The following CDH13 variants were observed in gnomAD, a reference collection of about 807,000 sequenced individuals.
The protein encoded by CDH13 is cadherin-13.
Under a neutral mutation model 63.8 loss-of-function variants are expected in CDH13, and 24 were observed. That is an observed-to-expected ratio of 0.38 (90% CI 0.27 to 0.53). The LOEUF (loss-of-function observed/expected upper bound fraction) is 0.53. CDH13 is among the 20% of genes least tolerant of loss of function. The pLI is 0.85. For synonymous variants in CDH13, 503 were observed against 355.3 expected (o/e 1.42, Z -4.67); for missense variants, 1,049 against 903.1 (o/e 1.16, Z -2.07).
intron 5 of CDH13, among the ~76,000 whole-genome samples, chr16:83,233,891 T>A (rs1184839592): frequency 1.3e-5 from 2 of 152,156 alleles, no homozygotes; most frequent in African/African-American, 4.8e-5. Context: ...ACCACCACAC[T>A]CCTTGTATAG....
intron 1 of CDH13, among the ~76,000 whole-genome samples, chr16:82,798,119 T>C (rs2036678214): frequency 6.6e-6 from 1 of 152,188 alleles, no homozygotes; most frequent in African/African-American, 2.4e-5. Context: ...GAATTGGATA[T>C]GAAAGAAAAG....
intron 6 of CDH13, among the ~76,000 whole-genome samples, chr16:83,377,371 C>T (rs1023661351): frequency 1.3e-5 from 2 of 152,186 alleles, no homozygotes; most frequent in Non-Finnish European, 2.9e-5. Context: ...CCATCTCTTC[C>T]TCTTCTTGCC....
intron 5 of CDH13, among the ~76,000 whole-genome samples, chr16:83,264,836 T>A (rs927670415): frequency 6.6e-6 from 1 of 152,100 alleles, no homozygotes; most frequent in African/African-American, 2.4e-5. Context: ...TATAAACATT[T>A]ATTTCTCCTA....
intron 2 of CDH13, among the ~76,000 whole-genome samples, chr16:82,939,475 G>C (rs1395654866): frequency 6.9e-6 from 1 of 144,990 alleles, no homozygotes; most frequent in Non-Finnish European, 1.5e-5. Context: ...GGGAGAGAGG[G>C]AGGGAGGGAG....
At chr16:83,275,969 A>G (rs552120226) in intron 5 of CDH13, among the ~76,000 whole-genome samples, 1 of 152,328 alleles carries the variant, frequency 6.6e-6, no homozygotes, top group African/African-American at 2.4e-5. Context: ...AATGAAGACT[A>G]CAGATTAATG....
intron 13 of CDH13, among the ~76,000 whole-genome samples, chr16:83,786,268 G>C (rs930379674): frequency 6.6e-6 from 1 of 152,160 alleles, no homozygotes; most frequent in Non-Finnish European, 1.5e-5. Context: ...CTTCTCATTG[G>C]CTTGCCGTAC....
chr16:83,294,030 A>G (rs1420347885), intron 5 of CDH13, among the ~76,000 whole-genome samples: 1 of 152,234 alleles, frequency 6.6e-6, no homozygotes, highest in African/African-American at 2.4e-5. Context: ...GCTAGGACAT[A>G]GCATCAAGGA....
At chr16:83,434,109 A>G (rs2072211455) in intron 6 of CDH13, among the ~76,000 whole-genome samples, 1 of 152,184 alleles carries the variant, frequency 6.6e-6, no homozygotes, top group African/African-American at 2.4e-5. Context: ...AGTAATTTGA[A>G]GGGGCATCGT....
intron 7 of CDH13, among the ~76,000 whole-genome samples, chr16:83,551,189 C>T (rs529387748): frequency 8.7e-4 from 133 of 152,196 alleles, no homozygotes; most frequent in African/African-American, 3.2e-3. Context: ...TCAAGTGATT[C>T]TCGTGTCTCA....
chr16:83,719,144 A>G (rs188147151), intron 10 of CDH13, among the ~76,000 whole-genome samples: 1 of 152,280 alleles, frequency 6.6e-6, no homozygotes, highest in Non-Finnish European at 1.5e-5. Flanking sequence ...TTTCAGACAA[A>G]TTATTGCAGA....
chr16:82,840,137 C>T (rs575443020), intron 1 of CDH13, among the ~76,000 whole-genome samples: 17 of 152,154 alleles, frequency 1.1e-4, no homozygotes, highest in South Asian at 2.1e-4. Context: ...TGAAAGTTAA[C>T]GCTATAATGA....
chr16:83,061,972 T>G (rs1231905089), intron 3 of CDH13, among the ~76,000 whole-genome samples: 1 of 152,138 alleles, frequency 6.6e-6, no homozygotes, highest in Non-Finnish European at 1.5e-5. Flanking sequence ...GAAACTGAGA[T>G]AGTGAGCTGG....
intron 5 of CDH13, among the ~76,000 whole-genome samples, chr16:83,320,599 T>A (rs2151893985): frequency 6.6e-6 from 1 of 152,360 alleles, no homozygotes; most frequent in East Asian, 1.9e-4. Context: ...AAACAACCAC[T>A]ATTTCTACAA....
chr16:82,804,732 A>G (rs1253577361), intron 1 of CDH13, among the ~76,000 whole-genome samples: 3 of 152,206 alleles, frequency 2.0e-5, no homozygotes, highest in Admixed American at 1.3e-4. Flanking sequence ...GAATGAAAAC[A>G]CTTTCCCCAA....
chr16:83,797,638 T>A lies in CDH13; in HGVS notation c.*2608T>A, dbSNP rs578119459. ...ATATTACATTGTTTACTGAAAACCA[T>A]AGTAGAATCAAAATGTTATTTCATT... On this transcript the variant is annotated 3_prime_UTR_variant, in exon 14 of 14. Transcript: ENST00000567109. 1 of 152,358 alleles carries A rather than the reference T, an allele frequency of 6.6e-6. No homozygotes were observed. Among genetic ancestry groups the A allele is most frequent in the South Asian group, 2.1e-4 (1 of 4,828 alleles). 9.4% of individuals were successfully genotyped at this position (152,358 alleles called of 1,614,324 possible).
intron 2 of CDH13, among the ~76,000 whole-genome samples, chr16:82,910,741 T>C (rs910150622): frequency 2.0e-5 from 3 of 152,216 alleles, no homozygotes; most frequent in East Asian, 1.9e-4. Context: ...TCTCATATGA[T>C]TCACAGTGTT....
At chr16:82,844,803 C>A (rs1366653236) in intron 1 of CDH13, 1 of 71,102 alleles carries the variant, frequency 1.4e-5, no homozygotes, top group African/African-American at 3.8e-5. Context: ...CCAAGCCCTG[C>A]TAATTTTTAT....
At chr16:83,712,299 C>G (rs1908182788) in intron 10 of CDH13, among the ~76,000 whole-genome samples, 1 of 152,160 alleles carries the variant, frequency 6.6e-6, no homozygotes, top group Non-Finnish European at 1.5e-5. Context: ...CGCCAGAGCA[C>G]TGGGGGCTCT....
intron 1 of CDH13, among the ~76,000 whole-genome samples, chr16:82,664,640 C>G (rs994072245): frequency 3.3e-5 from 5 of 152,288 alleles, no homozygotes; most frequent in Non-Finnish European, 4.4e-5. Context: ...CAGCCTTATT[C>G]TCTAGATGTG....
Sources: gnomAD v4.1 joint callset for allele counts (sites outside exome capture counted in the v4.1 genomes callset) on GRCh38, gnomAD v4.1.1 for gene constraint, MANE v1.5 for transcripts, NCBI Gene and HGNC (gene_info 2026-07-23, HGNC 2026-07-21) for gene names.